The following SLC2A13 variants were observed in gnomAD, a reference collection of about 807,000 sequenced individuals.
SLC2A13 encodes proton myo-inositol cotransporter.
A neutral mutation model predicts 64.4 loss-of-function variants in SLC2A13; 32 were observed. The observed-to-expected ratio is 0.50, with a 90% CI of 0.37 to 0.67. The LOEUF (loss-of-function observed/expected upper bound fraction) is 0.67. SLC2A13 is among the 30% of genes least tolerant of loss of function. The probability of loss-of-function intolerance (pLI) is 0.00; values close to 1 mark genes in which losing one functional copy is unlikely to be tolerated. For missense variants in SLC2A13, 743 were observed against 829.2 expected (o/e 0.90, Z 1.28); for synonymous variants, 338 against 327.1 (o/e 1.03, Z -0.36).
chr12:40,088,478 AC>A (rs1043036826), intron 1 of SLC2A13, among the ~76,000 whole-genome samples: 2 of 152,174 alleles, frequency 1.3e-5, no homozygotes, highest in African/African-American at 2.4e-5. Context: ...CATAATGGCT[AC>A]CTTTTGAGGA....
At chr12:40,037,765 T>C (rs570646330) in intron 2 of SLC2A13, among the ~76,000 whole-genome samples, 1 of 152,300 alleles carries the variant, frequency 6.6e-6, no homozygotes, top group African/African-American at 2.4e-5. Context: ...TGGTAAGTTG[T>C]GATTGTCAAG....
intron 3 of SLC2A13, among the ~76,000 whole-genome samples, chr12:39,989,378 C>T (rs560645723): frequency 6.6e-6 from 1 of 152,296 alleles, no homozygotes; most frequent in South Asian, 2.1e-4. Context: ...CTTTTATCAC[C>T]ATTATCTGTT....
At chr12:39,903,673 A>T (rs1945195990) in intron 4 of SLC2A13, among the ~76,000 whole-genome samples, 1 of 152,110 alleles carries the variant, frequency 6.6e-6, no homozygotes, top group Non-Finnish European at 1.5e-5. Context: ...TCTGATAACA[A>T]GGATATATAT....
At chr12:39,895,186 G>C (rs1430722274) in intron 4 of SLC2A13, among the ~76,000 whole-genome samples, 2 of 151,996 alleles carry the variant, frequency 1.3e-5, no homozygotes, top group Non-Finnish European at 2.9e-5. Flanking sequence ...TGAGTAACAA[G>C]TAGTGGGTCT....
chr12:40,007,497 C>CT (rs200963055), intron 3 of SLC2A13, among the ~76,000 whole-genome samples: 1 of 90,330 alleles, frequency 1.1e-5, no homozygotes, highest in East Asian at 2.4e-4. Context: ...AACTTTAAAA[C>CT]TTTTTTTTAA....
chr12:40,060,021 C>T (rs1948392326), intron 1 of SLC2A13, among the ~76,000 whole-genome samples: 1 of 152,058 alleles, frequency 6.6e-6, no homozygotes, highest in Non-Finnish European at 1.5e-5. Flanking sequence ...AAGACTGTAA[C>T]AAAGGTCTAT....
chr12:39,775,773 A>G (rs1272413920), intron 7 of SLC2A13, among the ~76,000 whole-genome samples: 3 of 152,214 alleles, frequency 2.0e-5, no homozygotes, highest in Admixed American at 1.3e-4. Context: ...TTATTACTTA[A>G]TGATTGTTTT....
chr12:39,821,051 A>T (rs1334517047), intron 7 of SLC2A13, among the ~76,000 whole-genome samples: 2 of 151,692 alleles, frequency 1.3e-5, no homozygotes, highest in African/African-American at 2.4e-5. Flanking sequence ...TCCTTTCATA[A>T]TTTTTTACCC....
intron 3 of SLC2A13, among the ~76,000 whole-genome samples, chr12:39,994,398 A>C (rs1023356302): frequency 6.7e-6 from 1 of 149,682 alleles, no homozygotes; most frequent in Non-Finnish European, 1.5e-5. Context: ...AAAAAAAAAC[A>C]AAAAAAAACT....
intron 6 of SLC2A13, among the ~76,000 whole-genome samples, chr12:39,860,432 A>G (rs1943728285): frequency 6.6e-6 from 1 of 152,222 alleles, no homozygotes; most frequent in African/African-American, 2.4e-5. Flanking sequence ...GTTGTGAACA[A>G]GATGTTGCCC....
At chr12:39,926,895 G>A (rs1275281005) in intron 4 of SLC2A13, among the ~76,000 whole-genome samples, 4 of 152,136 alleles carry the variant, frequency 2.6e-5, no homozygotes, top group East Asian at 3.9e-4. Flanking sequence ...GAAAACGGAC[G>A]TGAGCCACCT....
chr12:40,089,985 C>A (rs1938709321), intron 1 of SLC2A13, among the ~76,000 whole-genome samples: 1 of 152,058 alleles, frequency 6.6e-6, no homozygotes, highest in Admixed American at 6.6e-5. Context: ...TCCTACTAAA[C>A]CATGTTTGCT....
At chr12:40,020,766 C>T (rs1275360777) in intron 3 of SLC2A13, among the ~76,000 whole-genome samples, 4 of 152,008 alleles carry the variant, frequency 2.6e-5, no homozygotes, top group East Asian at 1.9e-4. Context: ...AGCAATTTGT[C>T]GTATCTTGAA....
intron 3 of SLC2A13, among the ~76,000 whole-genome samples, chr12:39,960,551 T>C (rs1946390613): frequency 6.6e-6 from 1 of 152,038 alleles, no homozygotes; most frequent in Non-Finnish European, 1.5e-5. Context: ...GGCTAATTTT[T>C]TTATTTCTAG....
chr12:39,860,417 T>C (rs1177563000), intron 6 of SLC2A13, among the ~76,000 whole-genome samples: 2 of 152,328 alleles, frequency 1.3e-5, no homozygotes, highest in South Asian at 2.1e-4. Context: ...TTGATAAAGA[T>C]CTTAGTTGTG....
intron 3 of SLC2A13, among the ~76,000 whole-genome samples, chr12:40,016,071 AT>A: frequency 6.6e-6 from 1 of 152,330 alleles, no homozygotes; most frequent in East Asian, 1.9e-4. Flanking sequence ...TTTAACAGTA[AT>A]AAAACTTTAA....
rs551328924 is a variant in SLC2A13 at position 40,008,689 on chromosome 12, T to G, written c.925+19612A>C. The stretch of plus-strand genomic sequence containing the variant: ...TGTAAGATGATACCTGAGCTTTGAT[T>G]TCTAAAAGGTTGTGATTCGATGACT... On this transcript the variant is annotated intron_variant, in intron 3 of 9. Coordinates refer to ENST00000280871, the MANE Select transcript of SLC2A13 (RefSeq NM_052885.4). Among the ~76,000 whole-genome samples the G allele has an allele frequency of 1.9e-4, 29 of 152,110 alleles. No individual in the cohort carries two copies. The East Asian group carries it at 4.8e-3, about 25-fold the overall frequency.
At chr12:39,894,126 A>G (rs975484363) in intron 4 of SLC2A13, among the ~76,000 whole-genome samples, 7 of 152,228 alleles carry the variant, frequency 4.6e-5, no homozygotes, top group African/African-American at 1.7e-4. Flanking sequence ...GCATTCTCCT[A>G]TAGTGCCACG....
At chr12:40,073,453 T>C (rs1320963314) in intron 1 of SLC2A13, among the ~76,000 whole-genome samples, 1 of 152,156 alleles carries the variant, frequency 6.6e-6, no homozygotes, top group Non-Finnish European at 1.5e-5. Flanking sequence ...AAGTGTTGTC[T>C]CAGATCAATG....
Sources: gnomAD v4.1 joint callset for allele counts (sites outside exome capture counted in the v4.1 genomes callset) on GRCh38, gnomAD v4.1.1 for gene constraint, MANE v1.5 for transcripts, NCBI Gene and HGNC (gene_info 2026-07-23, HGNC 2026-07-21) for gene names.